Variants in ABCC8 observed in about 807,000 individuals in gnomAD.
The protein encoded by ABCC8 is ATP-binding cassette sub-family C member 8.
ABCC8 carries 137 observed loss-of-function variants against 188.0 expected under a neutral mutation model. That is an observed-to-expected ratio of 0.73 (90% CI 0.63 to 0.84). ABCC8 has a LOEUF of 0.84. ABCC8 is among the 40% of genes least tolerant of loss of function. ABCC8 has a pLI of 0.00. For missense variants in ABCC8, 1,750 were observed against 2,072.7 expected, an observed-to-expected ratio of 0.84 and a Z score of 3.02; for synonymous variants, 797 against 846.5, an observed-to-expected ratio of 0.94 and a Z score of 1.01.
Position 17,413,414 on chromosome 11 carries a change from G to A in ABCC8, c.2455C>T (p.Gln819Ter). The change falls in exon 20 of 39, where the codon CAG (glutamine) becomes TAG (stop). Residue 819 changes from glutamine to a stop codon, truncating the protein, a stop_gained. Transcript: ENST00000389817. LOFTEE classifies it high-confidence loss of function. ...PDIDILPHGD[Q>*]TQIGERGINL... is the part of the protein sequence containing the mutation. ...CTAACCCGTTCCCCAATCTGGGTCT[G>A]GTCTCCATGGGGCAGGATGTCGATG... 1 of 1,614,188 alleles carries A rather than the reference G, an allele frequency of 6.2e-7. No homozygotes were observed. The highest frequency in any genetic ancestry group is 8.5e-7 in the Non-Finnish European group (1 of 1,180,038).
intron 18 of ABCC8, 31 bp downstream of exon 18, chr11:17,415,273 C>A (rs778472947): frequency 6.3e-7 from 1 of 1,599,770 alleles, no homozygotes; most frequent in South Asian, 1.1e-5. Context: ...GGGAGTTGAC[C>A]CTGGGGGGCA....
At chr11:17,465,009 A>G (rs868337324) in intron 3 of ABCC8, among the ~76,000 whole-genome samples, 8 of 152,214 alleles carry the variant, frequency 5.3e-5, no homozygotes, top group South Asian at 2.1e-4. Flanking sequence ...AAACAGGTTG[A>G]GATGTTGGGC....
chr11:17,447,300 C>G (rs966302453), intron 8 of ABCC8, among the ~76,000 whole-genome samples: 2 of 152,146 alleles, frequency 1.3e-5, no homozygotes, highest in Admixed American at 1.3e-4. Context: ...GGAGATGGGA[C>G]ACATGAAGCC....
chr11:17,399,275 CAAAAAAAAA>C lies in ABCC8; in HGVS notation c.3651-843_3651-835del, dbSNP rs57138230. ...TGGGTGACAAAGTGAGACTCTGCCT[CAAAAAAAAA>C]AAAAAAAAAAAAAAAAAAAACAAAT... On this transcript the variant is annotated intron_variant, in intron 29 of 38. Coordinates refer to ENST00000389817, the MANE Select transcript of ABCC8 (RefSeq NM_000352.6). 3.5e-3 allele frequency among the ~76,000 whole-genome samples: 203 copies of C among 58,534 alleles called. 1 individual carries two copies. Among genetic ancestry groups the C allele is most frequent in the African/African-American group, 8.5e-3 (94 of 11,072 alleles). 38.4% of individuals were successfully genotyped at this position (58,534 alleles called of 152,430 possible).
intron 9 of ABCC8, 147 bp downstream of exon 9, chr11:17,443,031 C>A: frequency 6.6e-7 from 1 of 1,518,934 alleles, no homozygotes; most frequent in South Asian, 1.2e-5. Context: ...ATTTCCCAGA[C>A]AAAGAAGCTG....
chr11:17,465,010 G>A (rs1848061226), intron 3 of ABCC8, among the ~76,000 whole-genome samples: 1 of 152,248 alleles, frequency 6.6e-6, no homozygotes, highest in African/African-American at 2.4e-5. Flanking sequence ...AACAGGTTGA[G>A]ATGTTGGGCC....
chr11:17,415,977 T>A (rs184101049), intron 17 of ABCC8, among the ~76,000 whole-genome samples: 132 of 152,356 alleles, frequency 8.7e-4, no homozygotes, highest in African/African-American at 3.1e-3. Flanking sequence ...TCTGCCACTC[T>A]GTTCTCATCC....
chr11:17,432,306 C>T (rs1955885604), intron 10 of ABCC8, 62 bp from the exon 11 acceptor site: 2 of 1,551,554 alleles, frequency 1.3e-6, no homozygotes, highest in Non-Finnish European at 1.7e-6. Flanking sequence ...CATGGAGATG[C>T]CCAGGATGGC....
intron 19 of ABCC8, 188 bp from the exon 20 acceptor site, chr11:17,413,666 C>T (rs528422565): frequency 8.5e-5 from 103 of 1,205,974 alleles, no homozygotes; most frequent in Non-Finnish European, 1.1e-4. Context: ...CTTCACACAG[C>T]GTTTGGGCAG....
Position 17,452,400 on chromosome 11 carries a change from A to T in ABCC8, c.1176+719T>A, listed in dbSNP as rs181663076. Among the ~76,000 whole-genome samples, 24 of 152,358 alleles carry T rather than the reference A, an allele frequency of 1.6e-4. No homozygotes were observed. In the East Asian group the frequency reaches 4.4e-3, roughly 28 times the overall value. Reference sequence around the variant, plus strand: ...GCACCAGGGACTGGTTTCGTGGAAGACAATTTTTCCATGGACCTGGGGGAG... The same window carrying T: ...GCACCAGGGACTGGTTTCGTGGAAGTCAATTTTTCCATGGACCTGGGGGAG... On this transcript the variant is annotated intron_variant, in intron 7 of 38. Transcript: ENST00000389817.
At chr11:17,449,994 T>G (rs934991706) in intron 7 of ABCC8, among the ~76,000 whole-genome samples, 11 of 152,210 alleles carry the variant, frequency 7.2e-5, no homozygotes, top group African/African-American at 2.7e-4. Context: ...TTCAGTGAAG[T>G]AGGGACACCA....
chr11:17,397,523 T>TGG, intron 31 of ABCC8, 161 bp downstream of exon 31: 1 of 1,408,336 alleles, frequency 7.1e-7, no homozygotes, highest in Non-Finnish European at 9.7e-7. Context: ...GCCTGGGCCC[T>TGG]GGGGCCTGCT....
At chr11:17,395,505 C>T in intron 35 of ABCC8, 105 bp downstream of exon 35, 1 of 1,490,670 alleles carries the variant, frequency 6.7e-7, no homozygotes, top group African/African-American at 1.4e-5. Context: ...GCAGGAAACA[C>T]CTCTGGGATC....
At chr11:17,408,282 T>C (rs374500378) in intron 23 of ABCC8, 110 bp downstream of exon 23, 96 of 1,097,798 alleles carry the variant, frequency 8.7e-5, no homozygotes, top group South Asian at 6.9e-4. Context: ...ACATCTGCCC[T>C]TTAGGGGGCT....
intron 6 of ABCC8, among the ~76,000 whole-genome samples, chr11:17,457,252 G>A (rs147304614): frequency 6.6e-6 from 1 of 152,090 alleles, no homozygotes; most frequent in African/African-American, 2.4e-5. Flanking sequence ...CAATCCAAAC[G>A]GGGGCATAGA....
In ABCC8 at chr11:17,463,700, A is replaced by G. The variant is rs1254386432; in HGVS notation, c.413-96T>C. On this transcript the variant is annotated intron_variant, in intron 3 of 38. Transcript: ENST00000389817. Reference sequence around the variant, plus strand: ...AGTATGTGGCAGAGAAGGAGACAGAATAAGCGTGCCTGGGTGTGTACATTT... The same window carrying G: ...AGTATGTGGCAGAGAAGGAGACAGAGTAAGCGTGCCTGGGTGTGTACATTT... 8 of 1,490,758 alleles carry G rather than the reference A, an allele frequency of 5.4e-6. No individual in the cohort carries two copies. In the Admixed American group the frequency reaches 1.2e-4, roughly 22 times the overall value. The allele number at this position is 1,490,758 out of a possible 1,614,324, so 92.3% of individuals were successfully genotyped here. A position where few individuals can be genotyped will look rare whatever the true frequency, so the allele number is the denominator to read the frequency against.
In ABCC8 at chr11:17,415,228, T is replaced by A. The variant is rs1591766944; in HGVS notation, c.2291+76A>T. On this transcript the variant is annotated intron_variant, in intron 18 of 38. Coordinates refer to ENST00000389817, the MANE Select transcript of ABCC8 (RefSeq NM_000352.6). The stretch of plus-strand genomic sequence containing the variant: ...GGGGTCTGGGGGCTGCCCAGCAGGG[T>A]GATGTGGCTCCCTTGGGCCTGAGAG... 3 of 1,555,626 alleles carry A rather than the reference T, an allele frequency of 1.9e-6. No individual in the cohort carries two copies. The Admixed American group carries it at 5.8e-5, about 30-fold the overall frequency.
chr11:17,459,825 C>T (rs1957121366), intron 6 of ABCC8, among the ~76,000 whole-genome samples: 1 of 152,218 alleles, frequency 6.6e-6, no homozygotes, highest in Non-Finnish European at 1.5e-5. Context: ...CTAGCTCCAA[C>T]AAATTTCAGT....
intron 16 of ABCC8, among the ~76,000 whole-genome samples, chr11:17,419,581 T>A (rs906560269): frequency 1.3e-5 from 2 of 152,250 alleles, no homozygotes; most frequent in African/African-American, 4.8e-5. Context: ...TGTATGCTTG[T>A]GTATCTTTTC....
Sources: allele counts gnomAD v4.1 joint callset (sites outside exome capture counted in the v4.1 genomes callset), GRCh38; gene constraint gnomAD v4.1.1; transcripts MANE v1.5; gene names NCBI Gene and HGNC (gene_info 2026-07-23, HGNC 2026-07-21).